TMEM163: variants seen among roughly 807,000 people sequenced by gnomAD.
TMEM163 encodes the protein transmembrane protein 163.
TMEM163 carries 17 observed loss-of-function variants against 29.3 expected under a neutral mutation model. The ratio of observed to expected loss-of-function variants is 0.58; its 90% CI spans 0.40 to 0.87. TMEM163 has a LOEUF of 0.87. TMEM163 is among the 40% of genes least tolerant of loss of function. The pLI is 0.00. For missense variants in TMEM163, 303 were observed against 381.5 expected, an observed-to-expected ratio of 0.79 and a Z score of 1.71; for synonymous variants, 157 against 160.6, an observed-to-expected ratio of 0.98 and a Z score of 0.17.
At chr2:134,531,868 G>A (rs1258360890) in intron 4 of TMEM163, among the ~76,000 whole-genome samples, 1 of 152,170 alleles carries the variant, frequency 6.6e-6, no homozygotes, top group Non-Finnish European at 1.5e-5. Flanking sequence ...AGAGGCTGGG[G>A]GCTGGGGCTG....
At chr2:134,463,650 G>A (rs1468429942) in intron 6 of TMEM163, among the ~76,000 whole-genome samples, 1 of 152,234 alleles carries the variant, frequency 6.6e-6, no homozygotes, top group Non-Finnish European at 1.5e-5. Flanking sequence ...GGCTGTGCTA[G>A]AAAGACCTGT....
In TMEM163 at chr2:134,632,741, CT is replaced by C. The variant is rs1049305109; in HGVS notation, c.322+80458del. ...ATCACTCCCCAAAAGGCCCTATGTT[CT>C]TTTTTTTTTTTTCTTTTTGAGATGG... On this transcript the variant is annotated intron_variant, in intron 2 of 7. Coordinates refer to ENST00000281924, the MANE Select transcript of TMEM163 (RefSeq NM_030923.5). Among the ~76,000 whole-genome samples, 570 of 143,074 alleles carry C rather than the reference CT, an allele frequency of 4.0e-3. 5 individuals carry two copies. Among genetic ancestry groups the C allele is most frequent in the African/African-American group, 0.01 (412 of 39,356 alleles). 93.9% of individuals were successfully genotyped at this position (143,074 alleles called of 152,430 possible).
chr2:134,687,086 T>C (rs1461701773), intron 2 of TMEM163, among the ~76,000 whole-genome samples: 3 of 152,168 alleles, frequency 2.0e-5, no homozygotes, highest in Non-Finnish European at 2.9e-5. Flanking sequence ...TCCAAGACTA[T>C]ACAAACATCC....
At chr2:134,581,263 T>C (rs1201843919) in intron 2 of TMEM163, among the ~76,000 whole-genome samples, 1 of 152,208 alleles carries the variant, frequency 6.6e-6, no homozygotes, top group East Asian at 1.9e-4. Flanking sequence ...AAGTAGCTAC[T>C]TGATGAATAA....
intron 4 of TMEM163, among the ~76,000 whole-genome samples, chr2:134,532,324 G>T (rs940047330): frequency 6.6e-6 from 1 of 152,182 alleles, no homozygotes; most frequent in African/African-American, 2.4e-5. Flanking sequence ...AACACAACAA[G>T]CCCCAAGTGC....
At chr2:134,529,507 G>C (rs566057347) in intron 4 of TMEM163, among the ~76,000 whole-genome samples, 3 of 151,662 alleles carry the variant, frequency 2.0e-5, no homozygotes, top group African/African-American at 7.3e-5. Flanking sequence ...CAGCACTTTG[G>C]GGGGTCAAGG....
At chr2:134,660,411 C>T (rs1419562800) in intron 2 of TMEM163, among the ~76,000 whole-genome samples, 2 of 152,032 alleles carry the variant, frequency 1.3e-5, no homozygotes, top group Non-Finnish European at 2.9e-5. Context: ...AGATTCGAGG[C>T]ATATTTTGGA....
intron 2 of TMEM163, among the ~76,000 whole-genome samples, chr2:134,558,169 G>A (rs1681089682): frequency 2.0e-5 from 3 of 152,138 alleles, no homozygotes. Flanking sequence ...CTAAGTTTCT[G>A]AATCCATCTT....
intron 4 of TMEM163, among the ~76,000 whole-genome samples, chr2:134,544,688 G>C (rs182919280): frequency 6.6e-6 from 1 of 152,102 alleles, no homozygotes; most frequent in Admixed American, 6.5e-5. Context: ...CCAGCTGCTC[G>C]GGAGGCTGAG....
At chr2:134,596,820 G>T (rs1682095809) in intron 2 of TMEM163, among the ~76,000 whole-genome samples, 1 of 151,998 alleles carries the variant, frequency 6.6e-6, no homozygotes, top group African/African-American at 2.4e-5. Context: ...CCTTGAAGAG[G>T]TCCTTCACAT....
At chr2:134,473,544 A>AAAG (rs1553472571) in intron 5 of TMEM163, among the ~76,000 whole-genome samples, 1 of 151,662 alleles carries the variant, frequency 6.6e-6, no homozygotes, top group African/African-American at 2.4e-5. Flanking sequence ...TCAAAAAAAA[A>AAAG]AAAAAGAAAA....
chr2:134,463,542 C>A (rs556053743), intron 6 of TMEM163, among the ~76,000 whole-genome samples: 1 of 152,194 alleles, frequency 6.6e-6, no homozygotes, highest in Non-Finnish European at 1.5e-5. Context: ...TATAATTCTA[C>A]GATGTCTCAG....
chr2:134,546,643 C>CA (rs58851155), intron 4 of TMEM163, among the ~76,000 whole-genome samples: 5,877 of 84,198 alleles, frequency 0.07, 237 homozygotes, highest in East Asian at 0.17. Flanking sequence ...GGCTCCATCT[C>CA]AAAAAAAAAA....
intron 1 of TMEM163, 35 bp downstream of exon 1, chr2:134,718,699 C>G: frequency 1.3e-5 from 15 of 1,133,566 alleles, no homozygotes; most frequent in Non-Finnish European, 1.6e-5. Context: ...AGCAGCCACC[C>G]CGGTCGCCGG....
At chr2:134,701,625 T>C (rs934066358) in intron 2 of TMEM163, among the ~76,000 whole-genome samples, 1 of 152,294 alleles carries the variant, frequency 6.6e-6, no homozygotes, top group East Asian at 1.9e-4. Context: ...GCTAAGAGTT[T>C]CAGGCCAGGC....
chr2:134,637,614 T>G (rs1216695774), intron 2 of TMEM163, among the ~76,000 whole-genome samples: 1 of 152,220 alleles, frequency 6.6e-6, no homozygotes, highest in Non-Finnish European at 1.5e-5. Flanking sequence ...CTACTTGTGA[T>G]TGTTTTTGAG....
intron 2 of TMEM163, among the ~76,000 whole-genome samples, chr2:134,689,552 C>G (rs771168314): frequency 6.6e-6 from 1 of 152,200 alleles, no homozygotes. Context: ...TCCTGAGAGG[C>G]CTGCTGCCAC....
intron 6 of TMEM163, among the ~76,000 whole-genome samples, chr2:134,463,698 C>T (rs986690595): frequency 1.3e-5 from 2 of 152,190 alleles, no homozygotes; most frequent in Non-Finnish European, 2.9e-5. Flanking sequence ...TGAGTTGCAA[C>T]CACGTTTTGG....
chr2:134,684,097 T>C (rs747165627), intron 2 of TMEM163, among the ~76,000 whole-genome samples: 2 of 152,180 alleles, frequency 1.3e-5, no homozygotes, highest in Non-Finnish European at 2.9e-5. Flanking sequence ...AGTACTATTA[T>C]CTTGCTTTAC....
Sources: allele counts gnomAD v4.1 joint callset (sites outside exome capture counted in the v4.1 genomes callset), GRCh38; gene constraint gnomAD v4.1.1; transcripts MANE v1.5; gene names NCBI Gene and HGNC (gene_info 2026-07-23, HGNC 2026-07-21).